The following TARBP1 variants were observed in gnomAD, a reference collection of about 807,000 sequenced individuals.
TARBP1 encodes the protein tRNA guanosine 2 -O-methyltransferase TARBP1.
In TARBP1, 144 loss-of-function variants were observed where a neutral mutation model predicts 178.6. The ratio of observed to expected loss-of-function variants is 0.81; its 90% CI spans 0.70 to 0.93. The LOEUF is 0.93. Ranked by LOEUF, TARBP1 falls within the 40% of genes least tolerant of loss-of-function variation. The pLI is 0.00. For missense variants in TARBP1, 2,067 were observed against 2,011.7 expected (o/e 1.03, Z -0.53); for synonymous variants, 787 against 781.0 (o/e 1.01, Z -0.13).
At chr1:234,433,722 C>T (rs1178883221) in intron 13 of TARBP1, 151 bp from the exon 14 acceptor site, 1 of 707,058 alleles carries the variant, frequency 1.4e-6, no homozygotes, top group Non-Finnish European at 2.3e-6. Flanking sequence ...CCTTCCATAA[C>T]CTCCCACGCA....
intron 12 of TARBP1, among the ~76,000 whole-genome samples, chr1:234,441,768 G>T (rs12760253): frequency 6.6e-6 from 1 of 151,986 alleles, no homozygotes; most frequent in Non-Finnish European, 1.5e-5. Context: ...CTAGAGATTT[G>T]CCTATTCCGG....
At chr1:234,432,717 T>C (rs915959466) in intron 14 of TARBP1, among the ~76,000 whole-genome samples, 2 of 150,086 alleles carry the variant, frequency 1.3e-5, no homozygotes, top group Admixed American at 1.3e-4. Flanking sequence ...GGACACATGC[T>C]TGTGATTTGT....
chr1:234,471,251 CAT>C lies in TARBP1; in HGVS notation c.1034_1035del (p.His345ArgfsTer14). 6.3e-7 allele frequency: 1 copy of C among 1,586,810 alleles called. No homozygotes were observed. The highest frequency in any genetic ancestry group is 8.6e-7 in the Non-Finnish European group (1 of 1,169,078). On this transcript the variant is annotated frameshift_variant, in exon 3 of 30. Coordinates refer to ENST00000040877, the MANE Select transcript of TARBP1 (RefSeq NM_005646.4). LOFTEE classifies it high-confidence loss of function. ...AGCTTTGGTAAAACTGGCTTTATAA[CAT>C]GTATCTAAAAATAAGAGCAAAAAAA... ...IMETLEGNQI[H>X]VIKPVLPKLN...
At position 234,408,908 on chromosome 1, in the gene TARBP1, G is replaced by T. The variant is rs145308207; in HGVS notation, c.3792+1537C>A. On this transcript the variant is annotated intron_variant, in intron 23 of 29. Transcript: ENST00000040877. Reference sequence around the variant, plus strand: ...AATCGGCTCTGTGTAGGCGGCGGAAGAGGTGAACCTGTTGGGCGGTTACCA... The same window carrying T: ...AATCGGCTCTGTGTAGGCGGCGGAATAGGTGAACCTGTTGGGCGGTTACCA... 2.3e-3 allele frequency among the ~76,000 whole-genome samples: 343 copies of T among 152,334 alleles called. 3 individuals carry two copies. The highest frequency in any genetic ancestry group is 7.6e-3 in the African/African-American group (318 of 41,580).
intron 23 of TARBP1, 91 bp from the exon 24 acceptor site, chr1:234,406,190 A>T: frequency 8.5e-7 from 1 of 1,177,792 alleles, no homozygotes; most frequent in East Asian, 2.4e-5. Context: ...CGAATGATAC[A>T]ACTGCTCCTA....
chr1:234,472,134 C>T (rs192202220), intron 2 of TARBP1, among the ~76,000 whole-genome samples: 16 of 152,194 alleles, frequency 1.1e-4, no homozygotes, highest in Middle Eastern at 3.4e-3. Flanking sequence ...GTCAGGAGTG[C>T]AAGACCAGCC....
intron 4 of TARBP1, among the ~76,000 whole-genome samples, chr1:234,467,236 T>C (rs1173261861): frequency 6.6e-6 from 1 of 152,192 alleles, no homozygotes; most frequent in Non-Finnish European, 1.5e-5. Context: ...AAACTTGACT[T>C]ATGCTTACGA....
chr1:234,465,070 G>A (rs569292420), intron 5 of TARBP1, among the ~76,000 whole-genome samples: 1 of 73,498 alleles, frequency 1.4e-5, no homozygotes, highest in Middle Eastern at 5.3e-3. Context: ...ATGGATGAAC[G>A]GATGGATGGA....
At chr1:234,395,929 C>A (rs367878395) in intron 26 of TARBP1, among the ~76,000 whole-genome samples, 1 of 152,138 alleles carries the variant, frequency 6.6e-6, no homozygotes, top group Non-Finnish European at 1.5e-5. Context: ...TTTCCATGTT[C>A]TCATCACAAA....
intron 9 of TARBP1, among the ~76,000 whole-genome samples, chr1:234,456,102 A>G (rs1667246532): frequency 6.6e-6 from 1 of 152,252 alleles, no homozygotes; most frequent in Non-Finnish European, 1.5e-5. Flanking sequence ...CTCAATCTGT[A>G]TCAGGAACCT....
rs137983740 is a variant in TARBP1, at chr1:234,394,867, A to T, written c.4244-1030T>A. Among the ~76,000 whole-genome samples, 864 of 152,166 alleles carry T rather than the reference A, an allele frequency of 5.7e-3. 6 individuals carry two copies. Among genetic ancestry groups the T allele is most frequent in the African/African-American group, 0.019 (795 of 41,492 alleles). ...CAGAACTTTGGGAGGCTGAGGGAGG[A>T]TCACCTGAGGTCAGGAGTTTGAGAC... On this transcript the variant is annotated intron_variant, in intron 26 of 29. Coordinates refer to ENST00000040877, the MANE Select transcript of TARBP1 (RefSeq NM_005646.4).
In TARBP1 at chr1:234,459,262, G is replaced by C. The variant is rs1486542868; in HGVS notation, c.1600C>G (p.Leu534Val). 3 of 1,612,620 alleles carry C rather than the reference G, an allele frequency of 1.9e-6. No individual in the cohort carries two copies. The highest frequency in any genetic ancestry group is 2.5e-6 in the Non-Finnish European group (3 of 1,179,582). The change falls in exon 8 of 30, where the codon CTT (leucine) becomes GTT (valine). Residue 534 changes from leucine (L) to valine (V), a missense_variant. Coordinates refer to ENST00000040877, the MANE Select transcript of TARBP1 (RefSeq NM_005646.4). ...ILLRGAAQCY[L>V]LQTAMNLLDV... is the part of the protein sequence containing the mutation. ...AGCAAATTCATAGCTGTTTGAAGAA[G>C]GTAGCATTGGGCTGCCCCTCTCAGG... is the stretch of plus-strand genomic sequence containing the variant.
intron 22 of TARBP1, among the ~76,000 whole-genome samples, chr1:234,412,471 G>T (rs1202588824): frequency 2.7e-5 from 4 of 150,298 alleles, no homozygotes; most frequent in Non-Finnish European, 5.9e-5. Context: ...CTCATGACCA[G>T]CCCAGGCAAC....
At chr1:234,450,074 T>G (rs2224642) in intron 10 of TARBP1, among the ~76,000 whole-genome samples, 44,944 of 152,106 alleles carry the variant, frequency 0.3, 6,840 homozygotes, top group Admixed American at 0.4. Context: ...TTCCAATGCA[T>G]ATATTTCCAC....
intron 22 of TARBP1, 119 bp downstream of exon 22, chr1:234,417,965 G>T (rs559852931): frequency 1.1e-4 from 57 of 514,794 alleles, no homozygotes; most frequent in Non-Finnish European, 1.6e-4. Context: ...CATAACTTAT[G>T]ATGTCAATAC....
intron 8 of TARBP1, among the ~76,000 whole-genome samples, chr1:234,458,127 T>C (rs1459584941): frequency 6.6e-6 from 1 of 152,150 alleles, no homozygotes; most frequent in African/African-American, 2.4e-5. Flanking sequence ...GTGGATCACC[T>C]GAGGTCAGGA....
chr1:234,414,142 G>A (rs1487297082), intron 22 of TARBP1, among the ~76,000 whole-genome samples: 3 of 152,154 alleles, frequency 2.0e-5, no homozygotes, highest in African/African-American at 7.2e-5. Context: ...TGGCTTTGTG[G>A]GCCACGCAGT....
intron 20 of TARBP1, among the ~76,000 whole-genome samples, chr1:234,422,284 C>A (rs1663192002): frequency 6.6e-6 from 1 of 152,170 alleles, no homozygotes; most frequent in Admixed American, 6.6e-5. Context: ...CTCAGAATAT[C>A]TTTTCTCTAC....
intron 3 of TARBP1, 144 bp from the exon 4 acceptor site, chr1:234,467,794 C>T (rs913727877): frequency 3.3e-6 from 3 of 909,162 alleles, no homozygotes; most frequent in Non-Finnish European, 4.6e-6. Flanking sequence ...TTTTGAGAGA[C>T]AGGTTCTCAC....
Sources: gnomAD v4.1 joint callset for allele counts (sites outside exome capture counted in the v4.1 genomes callset) on GRCh38, gnomAD v4.1.1 for gene constraint, MANE v1.5 for transcripts, NCBI Gene and HGNC (gene_info 2026-07-23, HGNC 2026-07-21) for gene names.